DYM: variants seen among roughly 807,000 people sequenced by gnomAD.
DYM encodes dyggve-Melchior-Clausen syndrome protein.
A neutral mutation model predicts 93.1 loss-of-function variants in DYM; 78 were observed. The ratio of observed to expected loss-of-function variants is 0.84; its 90% confidence interval spans 0.70 to 1.01. The LOEUF (loss-of-function observed/expected upper bound fraction) is 1.01, where lower values mean the gene tolerates loss of function less well. Among genes scored for constraint, DYM ranks in the 50% least tolerant of loss-of-function variants. DYM has a pLI of 0.00. For synonymous variants in DYM, 321 were observed against 319.7 expected (o/e 1.00, Z -0.04); for missense variants, 789 against 845.0 (o/e 0.93, Z 0.82).
At chr18:49,284,911 G>A (rs2095085736) in intron 9 of DYM, among the ~76,000 whole-genome samples, 1 of 152,116 alleles carries the variant, frequency 6.6e-6, no homozygotes, top group African/African-American at 2.4e-5. Context: ...AAGTTGAGAG[G>A]TAGGGCCTTT....
chr18:49,149,102 T>C (rs1340183503), intron 15 of DYM, among the ~76,000 whole-genome samples: 1 of 152,148 alleles, frequency 6.6e-6, no homozygotes, highest in Admixed American at 6.5e-5. Context: ...TCATAAGGCA[T>C]GTGTAACCTA....
chr18:49,264,668 T>C (rs2094542146), intron 11 of DYM, among the ~76,000 whole-genome samples: 1 of 152,214 alleles, frequency 6.6e-6, no homozygotes, highest in African/African-American at 2.4e-5. Context: ...TTCTATCGAA[T>C]ACTTTGTGTT....
intron 13 of DYM, among the ~76,000 whole-genome samples, chr18:49,233,998 G>A (rs943495654): frequency 3.3e-5 from 5 of 152,114 alleles, no homozygotes; most frequent in East Asian, 1.9e-4. Context: ...GCATGGTAGC[G>A]GGCGCCTGTA....
intron 3 of DYM, among the ~76,000 whole-genome samples, chr18:49,386,269 G>GA (rs564772389): frequency 6.6e-5 from 10 of 151,708 alleles, no homozygotes; most frequent in East Asian, 1.9e-4. Context: ...TGCTGAAAGA[G>GA]AAAAAAAATG....
chr18:49,257,222 A>G, intron 12 of DYM, 118 bp from the exon 13 acceptor site: 1 of 783,036 alleles, frequency 1.3e-6, no homozygotes, highest in Non-Finnish European at 2.2e-6. Context: ...GAAAGTTCAG[A>G]TCCACTATCT....
intron 8 of DYM, among the ~76,000 whole-genome samples, chr18:49,297,205 A>T (rs1216297901): frequency 6.6e-6 from 1 of 152,270 alleles, no homozygotes; most frequent in Non-Finnish European, 1.5e-5. Flanking sequence ...TAGTGGTAGG[A>T]TGAAGTATAA....
chr18:49,058,655 C>G (rs1301288798), intron 17 of DYM, among the ~76,000 whole-genome samples: 2 of 152,162 alleles, frequency 1.3e-5, no homozygotes, highest in Non-Finnish European at 2.9e-5. Flanking sequence ...CTGCTTATCT[C>G]TTAAGGGACC....
chr18:49,277,858 G>A (rs1044439695), intron 10 of DYM, among the ~76,000 whole-genome samples: 1 of 152,344 alleles, frequency 6.6e-6, no homozygotes, highest in Non-Finnish European at 1.5e-5. Context: ...AACTGACTAA[G>A]ACATAGGTAT....
intron 16 of DYM, among the ~76,000 whole-genome samples, chr18:49,108,907 T>C (rs1409714390): frequency 6.6e-6 from 1 of 152,262 alleles, no homozygotes; most frequent in Non-Finnish European, 1.5e-5. Flanking sequence ...TACACATTTA[T>C]GGTTGTTACG....
chr18:49,266,321 A>G (rs1447658521), intron 11 of DYM, among the ~76,000 whole-genome samples: 1 of 152,200 alleles, frequency 6.6e-6, no homozygotes, highest in Non-Finnish European at 1.5e-5. Flanking sequence ...TAAAAAATAT[A>G]TTGCATAATG....
At chr18:49,373,058 A>C (rs2067192119) in intron 5 of DYM, among the ~76,000 whole-genome samples, 1 of 152,200 alleles carries the variant, frequency 6.6e-6, no homozygotes, top group Non-Finnish European at 1.5e-5. Flanking sequence ...TGGACCCCAA[A>C]ATAAATACAG....
intron 13 of DYM, among the ~76,000 whole-genome samples, chr18:49,252,996 G>A (rs528866888): frequency 2.6e-5 from 4 of 152,156 alleles, no homozygotes; most frequent in Non-Finnish European, 5.9e-5. Context: ...AGAGTCTGTA[G>A]AAGGCACATG....
At chr18:49,074,071 T>G (rs2077111951) in intron 17 of DYM, among the ~76,000 whole-genome samples, 1 of 152,234 alleles carries the variant, frequency 6.6e-6, no homozygotes, top group Middle Eastern at 3.2e-3. Flanking sequence ...GATGACCACT[T>G]TAACAGCTAG....
At chr18:49,369,817 C>T (rs1191216774) in intron 5 of DYM, among the ~76,000 whole-genome samples, 1 of 152,176 alleles carries the variant, frequency 6.6e-6, no homozygotes, top group Non-Finnish European at 1.5e-5. Context: ...TTGGCTTTGT[C>T]GAGTCCCTGT....
At chr18:49,173,886 C>T (rs932513326) in intron 14 of DYM, among the ~76,000 whole-genome samples, 1 of 152,034 alleles carries the variant, frequency 6.6e-6, no homozygotes, top group Non-Finnish European at 1.5e-5. Context: ...ACCTATAGTA[C>T]AATACTGAAT....
At position 49,292,621 on chromosome 18, in the gene DYM, A is replaced by C. The variant is rs561064863; in HGVS notation, c.764-6005T>G. 4.1e-4 allele frequency among the ~76,000 whole-genome samples: 47 copies of C among 114,588 alleles called. 13 individuals are homozygous for C. Among genetic ancestry groups the C allele is most frequent in the South Asian group, 1.1e-3 (4 of 3,494 alleles). The allele number at this position is 114,588 out of a possible 152,430, so 75.2% of individuals were successfully genotyped here. ...AAAAAAAAAAAAAAAAAAAAAAAAA[A>C]AAAACCCCCACAAAAACCTGTCCAC... On this transcript the variant is annotated intron_variant, in intron 8 of 17. Transcript: ENST00000675505.
chr18:49,181,731 A>G (rs972149103), intron 14 of DYM, among the ~76,000 whole-genome samples: 1 of 152,100 alleles, frequency 6.6e-6, no homozygotes, highest in Non-Finnish European at 1.5e-5. Context: ...ATCTTGGCCA[A>G]AGGTTTATCA....
In DYM at chr18:49,452,659, C is replaced by T. The variant is rs371828656; in HGVS notation, c.-54+7739G>A. Reference sequence around the variant, plus strand: ...TCCAAGTCACTGCCGTGGGCTCCTGCGTGGCCTGAGCCTCCCTGACGAGCG... The same window carrying T: ...TCCAAGTCACTGCCGTGGGCTCCTGTGTGGCCTGAGCCTCCCTGACGAGCG... On this transcript the variant is annotated intron_variant, in intron 1 of 17. Transcript: ENST00000675505. 1.2e-4 allele frequency among the ~76,000 whole-genome samples: 17 copies of T among 138,014 alleles called. 3 individuals are homozygous for T. Among genetic ancestry groups the T allele is most frequent in the African/African-American group, 4.2e-4 (15 of 35,842 alleles). The allele number at this position is 138,014 out of a possible 152,430, so 90.5% of individuals were successfully genotyped here.
At chr18:49,292,991 G>A (rs929024434) in intron 8 of DYM, among the ~76,000 whole-genome samples, 5 of 151,820 alleles carry the variant, frequency 3.3e-5, no homozygotes, top group African/African-American at 4.8e-5. Flanking sequence ...CTTACCCACC[G>A]ACAGGCCCTA....
Sources: gnomAD v4.1 joint callset for allele counts (sites outside exome capture counted in the v4.1 genomes callset) on GRCh38, gnomAD v4.1.1 for gene constraint, MANE v1.5 for transcripts, NCBI Gene and HGNC (gene_info 2026-07-23, HGNC 2026-07-21) for gene names.